KIAA0319L: variants seen among roughly 807,000 people sequenced by gnomAD.
KIAA0319L encodes the protein dyslexia-associated protein KIAA0319-like protein.
In KIAA0319L, 55 loss-of-function variants were observed where a neutral mutation model predicts 120.1. That is an observed-to-expected ratio of 0.46 (90% confidence interval 0.37 to 0.57). KIAA0319L has a LOEUF of 0.57. Among genes scored for constraint, KIAA0319L ranks in the 20% least tolerant of loss-of-function variants. The pLI is 0.00. For synonymous variants in KIAA0319L, 398 were observed against 471.9 expected (o/e 0.84, Z 2.03); for missense variants, 1,049 against 1,255.3 (o/e 0.84, Z 2.48).
chr1:35,548,851 T>C (rs1343771740), intron 2 of KIAA0319L, among the ~76,000 whole-genome samples: 1 of 152,126 alleles, frequency 6.6e-6, no homozygotes, highest in Non-Finnish European at 1.5e-5. Context: ...TACCAGGCTG[T>C]TTCACTTTTG....
chr1:35,544,024 C>G (rs893182791), intron 2 of KIAA0319L, among the ~76,000 whole-genome samples: 2 of 152,112 alleles, frequency 1.3e-5, no homozygotes, highest in South Asian at 4.1e-4. Flanking sequence ...GCAGGCTGAC[C>G]TGGCATGGGC....
chr1:35,491,688 C>T (rs570803750), intron 3 of KIAA0319L, among the ~76,000 whole-genome samples: 12 of 151,924 alleles, frequency 7.9e-5, no homozygotes, highest in Admixed American at 7.2e-4. Flanking sequence ...TAGAGAAAAA[C>T]GAATAAAACC....
At chr1:35,475,272 G>C (rs1643866147) in intron 4 of KIAA0319L, among the ~76,000 whole-genome samples, 1 of 151,854 alleles carries the variant, frequency 6.6e-6, no homozygotes, top group Non-Finnish European at 1.5e-5. Flanking sequence ...TTTTACTACA[G>C]TCTGTCCCTA....
intron 5 of KIAA0319L, among the ~76,000 whole-genome samples, chr1:35,474,519 C>T (rs1306910196): frequency 6.6e-6 from 1 of 152,098 alleles, no homozygotes; most frequent in Non-Finnish European, 1.5e-5. Flanking sequence ...TTTGGTCAAA[C>T]AACCAGTAAA....
At chr1:35,448,479 T>G (rs1056613031) in intron 15 of KIAA0319L, 147 bp from the exon 16 acceptor site, 1 of 801,768 alleles carries the variant, frequency 1.2e-6, no homozygotes, top group African/African-American at 1.7e-5. Flanking sequence ...GAATTCCTGA[T>G]CGGGCAATCT....
chr1:35,523,985 C>A (rs1646025195), intron 2 of KIAA0319L, among the ~76,000 whole-genome samples: 1 of 152,072 alleles, frequency 6.6e-6, no homozygotes, highest in East Asian at 1.9e-4. Flanking sequence ...ACTGACAAAT[C>A]ATAATGGTTA....
chr1:35,488,907 A>C (rs969820157), intron 3 of KIAA0319L, among the ~76,000 whole-genome samples: 11 of 152,352 alleles, frequency 7.2e-5, no homozygotes, highest in Middle Eastern at 3.4e-3. Context: ...TAAGTGAATA[A>C]AGAAGAGACA....
intron 9 of KIAA0319L, among the ~76,000 whole-genome samples, chr1:35,458,332 C>T (rs542775711): frequency 2.2e-4 from 34 of 152,298 alleles, no homozygotes; most frequent in African/African-American, 7.9e-4. Context: ...TTTTCTCTTT[C>T]ACCTCAAACA....
chr1:35,541,299 G>A (rs986156583), intron 2 of KIAA0319L, among the ~76,000 whole-genome samples: 5 of 150,618 alleles, frequency 3.3e-5, no homozygotes, highest in African/African-American at 1.2e-4. Flanking sequence ...TGTTTTGAAG[G>A]AAGGAAGCAC....
At chr1:35,450,141 G>A in intron 14 of KIAA0319L, 136 bp from the exon 15 acceptor site, 1 of 1,125,308 alleles carries the variant, frequency 8.9e-7, no homozygotes, top group African/African-American at 1.5e-5. Context: ...ATACGGAACA[G>A]CATTGCAGCC....
rs555710407 is a variant in KIAA0319L, at chr1:35,508,500, T to C, written c.143-1365A>G. Among the ~76,000 whole-genome samples, 5 of 152,120 alleles carry C rather than the reference T, an allele frequency of 3.3e-5. No individual in the cohort carries two copies. The East Asian group carries it at 7.7e-4, about 24-fold the overall frequency. The stretch of plus-strand genomic sequence containing the variant: ...TAAAAGGAAGGTAAAGGCAAGCTTC[T>C]AGAGTATTGAGTCAGGAGCACTATG... On this transcript the variant is annotated intron_variant, in intron 2 of 20. Coordinates refer to ENST00000325722, the MANE Select transcript of KIAA0319L (RefSeq NM_024874.5).
At chr1:35,446,197 T>C (rs1322937352) in intron 16 of KIAA0319L, among the ~76,000 whole-genome samples, 3 of 152,116 alleles carry the variant, frequency 2.0e-5, no homozygotes, top group Admixed American at 6.5e-5. Flanking sequence ...CAAGATTCTA[T>C]TGTGTGGCTG....
intron 2 of KIAA0319L, among the ~76,000 whole-genome samples, chr1:35,514,423 G>A (rs1645598085): frequency 6.7e-6 from 1 of 150,088 alleles, no homozygotes; most frequent in Admixed American, 6.6e-5. Context: ...AAGGCACAGA[G>A]TGGCAACCTG....
At position 35,554,423 on chromosome 1, in the gene KIAA0319L, T is replaced by A; in HGVS notation, c.69A>T (p.Thr23=). The A allele has an allele frequency of 6.2e-7, 1 of 1,613,602 alleles. No homozygotes were observed. Among genetic ancestry groups the A allele is most frequent in the Non-Finnish European group, 8.5e-7 (1 of 1,179,858 alleles). The part of the protein sequence containing the change: ...SWILSGYYWQ[T]SAKWLRSLYL... Reference sequence around the variant, plus strand: ...ACAGGCTTCTCAACCACTTCGCAGATGTCTGCCAATAATATCCTGATAAAA... The same window carrying A: ...ACAGGCTTCTCAACCACTTCGCAGAAGTCTGCCAATAATATCCTGATAAAA... The change falls in exon 2 of 21, where the codon ACA becomes ACT. Residue 23 remains threonine, a synonymous_variant. Transcript: ENST00000325722.
chr1:35,487,882 C>T (rs773318088), intron 3 of KIAA0319L, among the ~76,000 whole-genome samples: 3 of 152,172 alleles, frequency 2.0e-5, no homozygotes, highest in Non-Finnish European at 2.9e-5. Flanking sequence ...GGAGTCTGCC[C>T]ATGCAGGTGT....
At chr1:35,436,668 C>G (rs1348561211) in intron 20 of KIAA0319L, among the ~76,000 whole-genome samples, 1 of 152,072 alleles carries the variant, frequency 6.6e-6, no homozygotes, top group African/African-American at 2.4e-5. Flanking sequence ...ACAAAAACAA[C>G]AACAAAAAAC....
intron 17 of KIAA0319L, chr1:35,443,279 T>A: frequency 2.1e-6 from 1 of 466,816 alleles, no homozygotes; most frequent in South Asian, 3.1e-5. Flanking sequence ...CAATTCTTAA[T>A]CTTTTATGTC....
At chr1:35,485,895 G>C (rs1644368034) in intron 3 of KIAA0319L, among the ~76,000 whole-genome samples, 1 of 152,136 alleles carries the variant, frequency 6.6e-6, no homozygotes. Context: ...TCCTACCTCA[G>C]CCTCCCTGTA....
intron 3 of KIAA0319L, among the ~76,000 whole-genome samples, chr1:35,483,965 G>A (rs12040272): frequency 0.063 from 9,646 of 152,120 alleles, 732 homozygotes; most frequent in African/African-American, 0.18. Flanking sequence ...GCCTTCTTCC[G>A]TGTCTGTGTA....
Sources: allele counts gnomAD v4.1 joint callset (sites outside exome capture counted in the v4.1 genomes callset), GRCh38; gene constraint gnomAD v4.1.1; transcripts MANE v1.5; gene names NCBI Gene and HGNC (gene_info 2026-07-23, HGNC 2026-07-21).